NOX4: variants seen among roughly 807,000 people sequenced by gnomAD.
NOX4 encodes the protein kidney oxidase-1.
NOX4 carries 69 observed loss-of-function variants against 87.6 expected under a neutral mutation model. The observed-to-expected ratio is 0.79, with a 90% CI of 0.65 to 0.96. The LOEUF (loss-of-function observed/expected upper bound fraction) is 0.96, where lower values mean the gene tolerates loss of function less well. Ranked by LOEUF, NOX4 falls within the 40% of genes least tolerant of loss-of-function variation. The pLI, the probability that NOX4 is intolerant of heterozygous loss-of-function variation, is 0.00. For synonymous variants in NOX4, 275 were observed against 238.2 expected (o/e 1.15, Z -1.42); for missense variants, 680 against 681.5 (o/e 1.00, Z 0.02).
chr11:89,534,442 C>T, the NOX4 span, among the ~76,000 whole-genome samples: 15 of 152,224 alleles, frequency 9.9e-5, no homozygotes, highest in African/African-American at 3.6e-4. Context: ...TCTTCTCTCT[C>T]CACCTCTCCT....
chr11:89,389,285 C>A (rs889543952), intron 11 of NOX4, among the ~76,000 whole-genome samples: 1 of 152,122 alleles, frequency 6.6e-6, no homozygotes, highest in Non-Finnish European at 1.5e-5. Flanking sequence ...AAAACTCCAA[C>A]CTTTGCCCTC....
intron 11 of NOX4, among the ~76,000 whole-genome samples, chr11:89,382,512 A>G (rs142396591): frequency 2.0e-5 from 3 of 151,876 alleles, no homozygotes; most frequent in South Asian, 2.1e-4. Flanking sequence ...TCTGTTCCCA[A>G]TGCGACTCAT....
chr11:89,368,090 T>G (rs1939146331), intron 12 of NOX4, among the ~76,000 whole-genome samples: 1 of 151,986 alleles, frequency 6.6e-6, no homozygotes, highest in South Asian at 2.1e-4. Context: ...TTCATTCTCA[T>G]CATTCAAATA....
At chr11:89,380,621 A>C (rs1940209847) in intron 11 of NOX4, among the ~76,000 whole-genome samples, 1 of 152,174 alleles carries the variant, frequency 6.6e-6, no homozygotes, top group Non-Finnish European at 1.5e-5. Context: ...ATTTACCCTA[A>C]ATACACTAAC....
chr11:89,550,436 C>T, the NOX4 span, among the ~76,000 whole-genome samples: 2 of 152,044 alleles, frequency 1.3e-5, no homozygotes, highest in African/African-American at 4.8e-5. Flanking sequence ...TCTGCCAACC[C>T]TGGCTTCCCA....
intron 8 of NOX4, among the ~76,000 whole-genome samples, chr11:89,407,917 T>C (rs1942274225): frequency 6.6e-6 from 1 of 152,060 alleles, no homozygotes; most frequent in Non-Finnish European, 1.5e-5. Flanking sequence ...TTTTAATCTA[T>C]CTTGAAGGAG....
At chr11:89,509,807 G>A in the NOX4 span, among the ~76,000 whole-genome samples, 1,439 of 152,054 alleles carry the variant, frequency 9.5e-3, 19 homozygotes, top group African/African-American at 0.033. Flanking sequence ...ACTAAAACAC[G>A]ATGTGTCCGT....
At chr11:89,455,032 A>G (rs1298880515) in intron 2 of NOX4, among the ~76,000 whole-genome samples, 1 of 152,110 alleles carries the variant, frequency 6.6e-6, no homozygotes, top group Non-Finnish European at 1.5e-5. Context: ...ATTGAGAGAC[A>G]TGAGAAAAGC....
At chr11:89,471,034 C>T (rs1315111289) in intron 2 of NOX4, among the ~76,000 whole-genome samples, 2 of 152,122 alleles carry the variant, frequency 1.3e-5, no homozygotes, top group Admixed American at 6.6e-5. Context: ...CCGAGTGTCA[C>T]TTTCTCTGTA....
the NOX4 span, among the ~76,000 whole-genome samples, chr11:89,519,058 T>G: frequency 6.6e-6 from 1 of 152,082 alleles, no homozygotes; most frequent in Non-Finnish European, 1.5e-5. Context: ...GATACTGTGT[T>G]AGGTTGTTGG....
At chr11:89,490,682 C>A (rs1356962228) in intron 1 of NOX4, 129 bp from the exon 2 acceptor site, 1 of 739,158 alleles carries the variant, frequency 1.4e-6, no homozygotes, top group South Asian at 1.5e-5. Context: ...CTGCAGAAAG[C>A]ATTTTCAATT....
the NOX4 span, among the ~76,000 whole-genome samples, chr11:89,570,033 C>A: frequency 4.9e-3 from 744 of 151,236 alleles, 3 homozygotes; most frequent in African/African-American, 0.01. Context: ...AAGAATATAA[C>A]TGTTCTGCCA....
chr11:89,532,238 A>G, the NOX4 span, among the ~76,000 whole-genome samples: 1 of 152,184 alleles, frequency 6.6e-6, no homozygotes, highest in Non-Finnish European at 1.5e-5. Flanking sequence ...GCACCTGGAA[A>G]AACTGCAGGC....
At chr11:89,548,628 G>A in the NOX4 span, 1 of 152,098 alleles carries the variant, frequency 6.6e-6, no homozygotes, top group Non-Finnish European at 1.5e-5. Flanking sequence ...CTCTAATGGG[G>A]TAAAAAGAAG....
At chr11:89,556,538 A>G in the NOX4 span, among the ~76,000 whole-genome samples, 1 of 129,748 alleles carries the variant, frequency 7.7e-6, no homozygotes, top group African/African-American at 2.8e-5. Context: ...AGGGAGGGGA[A>G]GGGAGGGGAG....
intron 15 of NOX4, among the ~76,000 whole-genome samples, chr11:89,338,172 A>T (rs1335911309): frequency 1.3e-5 from 2 of 152,108 alleles, no homozygotes; most frequent in Non-Finnish European, 2.9e-5. Flanking sequence ...AAGGATGCAT[A>T]TGTAGAGACT....
At position 89,431,856 on chromosome 11, in the gene NOX4, T is replaced by C. The variant is rs540895789; in HGVS notation, c.548+928A>G. On this transcript the variant is annotated intron_variant, in intron 7 of 17. Transcript: ENST00000263317. ...CCCAGCCATCCCATTACTGGGTATA[T>C]ACCCAAAGGATTATAAATCATGCTG... Among the ~76,000 whole-genome samples the C allele has an allele frequency of 2.6e-5, 4 of 152,286 alleles. No individual in the cohort carries two copies. In the East Asian group the frequency reaches 5.8e-4, roughly 22 times the overall value.
chr11:89,390,684 C>T (rs1252110805), intron 11 of NOX4, among the ~76,000 whole-genome samples: 2 of 152,050 alleles, frequency 1.3e-5, no homozygotes, highest in African/African-American at 4.8e-5. Context: ...AAGTAATTTT[C>T]TGTTATTATT....
the NOX4 span, among the ~76,000 whole-genome samples, chr11:89,579,419 G>T: frequency 3.3e-5 from 5 of 151,882 alleles, no homozygotes; most frequent in Admixed American, 6.6e-5. Context: ...GAGAGTGTGT[G>T]GGAAATCTCT....
Sources: allele counts gnomAD v4.1 joint callset (sites outside exome capture counted in the v4.1 genomes callset), GRCh38; gene constraint gnomAD v4.1.1; transcripts MANE v1.5; gene names NCBI Gene and HGNC (gene_info 2026-07-23, HGNC 2026-07-21).